CRKL: variants seen among roughly 807,000 people sequenced by gnomAD.
CRKL encodes the protein crk-like protein.
CRKL carries 3 observed loss-of-function variants against 23.0 expected under a neutral mutation model. That is an observed-to-expected ratio of 0.13 (90% CI 0.06 to 0.34). The LOEUF (loss-of-function observed/expected upper bound fraction) is 0.34. Ranked by LOEUF, CRKL falls within the 10% of genes least tolerant of loss-of-function variation. CRKL has a pLI of 1.00. For missense variants in CRKL, 256 were observed against 394.5 expected, an observed-to-expected ratio of 0.65 and a Z score of 2.97; for synonymous variants, 188 against 160.7, an observed-to-expected ratio of 1.17 and a Z score of -1.28.
intron 1 of CRKL, among the ~76,000 whole-genome samples, chr22:20,932,542 G>A (rs1252185111): frequency 2.0e-5 from 3 of 152,150 alleles, no homozygotes; most frequent in Non-Finnish European, 1.5e-5. Context: ...GGGAGGAAGA[G>A]TGTGTGGTGG....
chr22:20,919,598 G>A (rs996024239), intron 1 of CRKL, among the ~76,000 whole-genome samples: 3 of 152,048 alleles, frequency 2.0e-5, no homozygotes, highest in African/African-American at 7.2e-5. Context: ...TTTTATCAGA[G>A]GTTTCTTTTA....
intron 2 of CRKL, among the ~76,000 whole-genome samples, chr22:20,942,887 G>A (rs1333238724): frequency 6.6e-6 from 1 of 152,032 alleles, no homozygotes; most frequent in African/African-American, 2.4e-5. Context: ...CAAAGTGCTG[G>A]GATTATAGGC....
At chr22:20,922,007 T>C (rs1291322268) in intron 1 of CRKL, among the ~76,000 whole-genome samples, 3 of 14,808 alleles carry the variant, frequency 2.0e-4, no homozygotes, top group East Asian at 6.4e-3. Context: ...TGCGCCCGGC[T>C]TTTTTTTTTT....
chr22:20,928,138 T>C (rs946028808), intron 1 of CRKL, among the ~76,000 whole-genome samples: 3 of 151,762 alleles, frequency 2.0e-5, no homozygotes, highest in Non-Finnish European at 4.4e-5. Context: ...GCCTGGGCAA[T>C]AGAGTGAGAC....
At chr22:20,937,891 C>G (rs78718051) in intron 2 of CRKL, among the ~76,000 whole-genome samples, 1 of 146,572 alleles carries the variant, frequency 6.8e-6, no homozygotes, top group East Asian at 2.0e-4. Flanking sequence ...TTTTTTTTTT[C>G]GAGACTGAGT....
Position 20,918,228 on chromosome 22 carries a change from C to A in CRKL, c.294C>A (p.Leu98=). 6.2e-7 allele frequency: 1 copy of A among 1,613,920 alleles called. No homozygotes were observed. Among genetic ancestry groups the A allele is most frequent in the Non-Finnish European group, 8.5e-7 (1 of 1,180,004 alleles). ...TCCACTACCTGGACACCACCACCCT[C>A]ATCGAGCCTGCGCCCAGGTACGCGA... is the stretch of plus-strand genomic sequence containing the variant. ...YKIHYLDTTT[L]IEPAPRYPSP... Residue 98 remains leucine (L), a synonymous_variant, in exon 1 of 3, where the codon CTC becomes CTA. Coordinates refer to ENST00000354336, the MANE Select transcript of CRKL (RefSeq NM_005207.4).
rs546049531 is a variant in CRKL, at chr22:20,918,911, G to A, written c.311+666G>A. Among the ~76,000 whole-genome samples the A allele has an allele frequency of 5.8e-4, 88 of 151,978 alleles. 1 individual carries two copies. Among genetic ancestry groups the A allele is most frequent in the African/African-American group, 2.0e-3 (81 of 41,434 alleles). ...GGCCAAAAACCGTTTTTAAGCCATAGACTTCTTTGAGAATCTGAAGATAGC... is the reference window on the plus strand; with the variant it reads ...GGCCAAAAACCGTTTTTAAGCCATAAACTTCTTTGAGAATCTGAAGATAGC... On this transcript the variant is annotated intron_variant, in intron 1 of 2. Transcript: ENST00000354336.
rs1317740708 is a variant in CRKL at position 20,953,554 on chromosome 22, T to C, written c.*3709T>C. On this transcript the variant is annotated 3_prime_UTR_variant, in exon 3 of 3. Coordinates refer to ENST00000354336, the MANE Select transcript of CRKL (RefSeq NM_005207.4). ...TTTTTGGGGATCATAGCTTGTTTTA[T>C]TTTGTGCTATAAAATTAACAGTATT... 8.9e-6 allele frequency: 2 copies of C among 225,232 alleles called. No homozygotes were observed. Among genetic ancestry groups the C allele is most frequent in the Non-Finnish European group, 1.8e-5 (2 of 113,018 alleles). 14.0% of individuals were successfully genotyped at this position (225,232 alleles called of 1,614,324 possible).
In CRKL at chr22:20,918,069, T is replaced by G. The variant is rs970370147; in HGVS notation, c.135T>G (p.Pro45=). ...MFLVRDSSTC[P]GDYVLSVSEN... is the part of the protein sequence containing the mutation. Reference sequence around the variant, plus strand: ...TCGTCCGCGATTCTTCCACCTGCCCTGGGGACTATGTGCTGTCGGTGTCCG... The same window carrying G: ...TCGTCCGCGATTCTTCCACCTGCCCGGGGGACTATGTGCTGTCGGTGTCCG... The change falls in exon 1 of 3, where the codon CCT becomes CCG. Residue 45 remains proline (P), a synonymous_variant. Transcript: ENST00000354336. 1.9e-6 allele frequency: 3 copies of G among 1,614,212 alleles called. No homozygotes were observed. In the Admixed American group the frequency reaches 5.0e-5, roughly 27 times the overall value.
In CRKL at chr22:20,918,090, G is replaced by A. The variant is rs1328875013; in HGVS notation, c.156G>A (p.Val52=). The A allele has an allele frequency of 2.5e-6, 4 of 1,614,228 alleles. No individual in the cohort carries two copies. Among genetic ancestry groups the A allele is most frequent in the Non-Finnish European group, 3.4e-6 (4 of 1,180,038 alleles). Reference sequence around the variant, plus strand: ...GCCCTGGGGACTATGTGCTGTCGGTGTCCGAGAACTCGCGGGTCTCCCACT... The same window carrying A: ...GCCCTGGGGACTATGTGCTGTCGGTATCCGAGAACTCGCGGGTCTCCCACT... The part of the protein sequence containing the change: ...STCPGDYVLS[V]SENSRVSHYI... Residue 52 remains valine, a synonymous_variant, in exon 1 of 3, where the codon GTG becomes GTA. Transcript: ENST00000354336.
intron 2 of CRKL, among the ~76,000 whole-genome samples, chr22:20,942,635 T>C (rs1921921102): frequency 1.3e-5 from 2 of 152,144 alleles, no homozygotes; most frequent in South Asian, 4.1e-4. Flanking sequence ...AGCTTTTTTT[T>C]TTTGAAACGG....
chr22:20,943,123 A>G (rs552108595), intron 2 of CRKL, among the ~76,000 whole-genome samples: 9 of 152,178 alleles, frequency 5.9e-5, no homozygotes, highest in Non-Finnish European at 1.3e-4. Flanking sequence ...GCATGTTCCT[A>G]GTGACTGATG....
At chr22:20,949,443 A>G (rs1354293284) in intron 2 of CRKL, among the ~76,000 whole-genome samples, 4 of 152,208 alleles carry the variant, frequency 2.6e-5, no homozygotes, top group African/African-American at 9.6e-5. Context: ...CCGTCTATAA[A>G]AAATTAAAAA....
At chr22:20,942,724 G>T (rs191877617) in intron 2 of CRKL, among the ~76,000 whole-genome samples, 1 of 151,962 alleles carries the variant, frequency 6.6e-6, no homozygotes. Context: ...GGGTTCAAGC[G>T]ATTTCTCCTG....
chr22:20,929,622 C>G (rs368252040), intron 1 of CRKL, among the ~76,000 whole-genome samples: 11 of 152,248 alleles, frequency 7.2e-5, no homozygotes, highest in Non-Finnish European at 1.3e-4. Flanking sequence ...CGCCACCACA[C>G]CTGGCTAATT....
rs2147905551 is a variant in CRKL at position 20,934,094 on chromosome 22, A to G, written c.627A>G (p.Gln209=). Residue 209 remains glutamine, a synonymous_variant, in exon 2 of 3, where the codon CAA becomes CAG. Transcript: ENST00000354336. ...GIPEPAHAYA[Q]PQTTTPLPAV... ...CAGAACCTGCTCATGCATACGCTCA[A>G]CCTCAGACCACAACTCCTCTACCTG... 1.9e-6 allele frequency: 3 copies of G among 1,614,096 alleles called. No individual in the cohort carries two copies. The highest frequency in any genetic ancestry group is 2.5e-6 in the Non-Finnish European group (3 of 1,180,024).
In CRKL at chr22:20,951,322, T is replaced by A. The variant is rs769818290; in HGVS notation, c.*1477T>A. 12 of 231,872 alleles carry A rather than the reference T, an allele frequency of 5.2e-5. No individual in the cohort carries two copies. The highest frequency in any genetic ancestry group is 8.5e-5 in the Non-Finnish European group (10 of 117,290). The allele number at this position is 231,872 out of a possible 1,614,324, so 14.4% of individuals were successfully genotyped here. On this transcript the variant is annotated 3_prime_UTR_variant, in exon 3 of 3. Coordinates refer to ENST00000354336, the MANE Select transcript of CRKL (RefSeq NM_005207.4). Reference sequence around the variant, plus strand: ...AATGCAAGCTCTGGAAATTCGTTAATGTATTTGATGTCTTAGTGTTTTAGT... The same window carrying A: ...AATGCAAGCTCTGGAAATTCGTTAAAGTATTTGATGTCTTAGTGTTTTAGT...
At chr22:20,926,411 T>C (rs542671924) in intron 1 of CRKL, among the ~76,000 whole-genome samples, 1 of 152,102 alleles carries the variant, frequency 6.6e-6, no homozygotes, top group Admixed American at 6.6e-5. Flanking sequence ...TCAAATGCCA[T>C]AGGAATGTAA....
chr22:20,923,506 T>C (rs1921067220), intron 1 of CRKL, among the ~76,000 whole-genome samples: 1 of 151,636 alleles, frequency 6.6e-6, no homozygotes, highest in Non-Finnish European at 1.5e-5. Context: ...CTCGATCTCC[T>C]GACCTCGTGA....
Sources: gnomAD v4.1 joint callset for allele counts (sites outside exome capture counted in the v4.1 genomes callset) on GRCh38, gnomAD v4.1.1 for gene constraint, MANE v1.5 for transcripts, NCBI Gene and HGNC (gene_info 2026-07-23, HGNC 2026-07-21) for gene names.